RBFOX3: variants seen among roughly 807,000 people sequenced by gnomAD.
The protein encoded by RBFOX3 is RNA binding fox-1 homolog 3, also known as RNA binding protein fox-1 homolog 3.
In RBFOX3, 17 loss-of-function variants were observed where a neutral mutation model predicts 48.7. The ratio of observed to expected loss-of-function variants is 0.35; its 90% confidence interval spans 0.24 to 0.52. The LOEUF (loss-of-function observed/expected upper bound fraction) is 0.52. Among genes scored for constraint, RBFOX3 ranks in the 20% least tolerant of loss-of-function variants. The probability of loss-of-function intolerance (pLI) is 0.94; values close to 1 mark genes in which losing one functional copy is unlikely to be tolerated. For synonymous variants in RBFOX3, 212 were observed against 209.5 expected, an observed-to-expected ratio of 1.01 and a Z score of -0.10; for missense variants, 382 against 497.5, an observed-to-expected ratio of 0.77 and a Z score of 2.21.
chr17:79,191,644 C>T (rs1259065643), intron 4 of RBFOX3, among the ~76,000 whole-genome samples: 6 of 152,274 alleles, frequency 3.9e-5, no homozygotes, highest in Non-Finnish European at 5.9e-5. Flanking sequence ...CGGCCGGCGG[C>T]GGGAGGTAGG....
At chr17:79,097,547 G>A in intron 10 of RBFOX3, 123 bp from the exon 11 acceptor site, 1 of 549,172 alleles carries the variant, frequency 1.8e-6, no homozygotes, top group East Asian at 1.1e-4. Flanking sequence ...CCCCGCCCCC[G>A]GAGCGCTACT....
intron 1 of RBFOX3, among the ~76,000 whole-genome samples, chr17:79,588,670 G>C (rs1444517767): frequency 1.3e-5 from 2 of 152,172 alleles, no homozygotes; most frequent in Admixed American, 1.3e-4. Context: ...CCTGAGCTTG[G>C]ACCTGGGTGA....
intron 2 of RBFOX3, among the ~76,000 whole-genome samples, chr17:79,341,811 G>A (rs2082138303): frequency 6.6e-6 from 1 of 152,218 alleles, no homozygotes; most frequent in Admixed American, 6.5e-5. Context: ...TAAACCATGT[G>A]CCCCTGCAAA....
At chr17:79,092,608 T>A (rs1385079097) in intron 14 of RBFOX3, 1 of 985,620 alleles carries the variant, frequency 1.0e-6, no homozygotes, top group Non-Finnish European at 1.2e-6. Context: ...TAGTAGGGGG[T>A]GAAGCGGCTG....
chr17:79,176,250 C>T (rs997157600), intron 4 of RBFOX3, among the ~76,000 whole-genome samples: 2 of 152,232 alleles, frequency 1.3e-5, no homozygotes, highest in African/African-American at 4.8e-5. Flanking sequence ...GCCTGCCCCA[C>T]AGAGGTCTGG....
At chr17:79,429,227 G>A (rs1023295011) in intron 2 of RBFOX3, among the ~76,000 whole-genome samples, 8 of 152,248 alleles carry the variant, frequency 5.3e-5, no homozygotes, top group African/African-American at 1.9e-4. Flanking sequence ...ACCTTGGAAA[G>A]GCATCCTTGA....
At chr17:79,101,742 A>C (rs987309709) in intron 8 of RBFOX3, 98 bp from the exon 9 acceptor site, 17 of 1,038,554 alleles carry the variant, frequency 1.6e-5, no homozygotes, top group Middle Eastern at 2.4e-4. Context: ...AGCCCCCGGC[A>C]CCCCCCGCCC....
chr17:79,196,752 T>C (rs1355844282), intron 4 of RBFOX3, among the ~76,000 whole-genome samples: 1 of 152,186 alleles, frequency 6.6e-6, no homozygotes, highest in East Asian at 1.9e-4. Flanking sequence ...CCACTGATAA[T>C]TCAGAAAGAG....
chr17:79,549,905 T>C (rs1267275544), intron 1 of RBFOX3, among the ~76,000 whole-genome samples: 2 of 152,100 alleles, frequency 1.3e-5, no homozygotes, highest in African/African-American at 4.8e-5. Context: ...GCAGTTTACC[T>C]AAAAAACCTT....
chr17:79,289,066 A>G (rs2072670462), intron 3 of RBFOX3, among the ~76,000 whole-genome samples: 1 of 152,028 alleles, frequency 6.6e-6, no homozygotes. Context: ...TCATTATCAC[A>G]TTTGGAAAGT....
chr17:79,334,068 T>C (rs976415431), intron 2 of RBFOX3, among the ~76,000 whole-genome samples: 11 of 152,142 alleles, frequency 7.2e-5, no homozygotes, highest in African/African-American at 2.7e-4. Context: ...GCCCCATTTC[T>C]TGTTTCTGTT....
At chr17:79,584,328 C>T (rs971410348) in intron 1 of RBFOX3, among the ~76,000 whole-genome samples, 140 of 152,252 alleles carry the variant, frequency 9.2e-4, no homozygotes, top group African/African-American at 3.3e-3. Flanking sequence ...GAAAACAGTG[C>T]GGAGATTCCT....
intron 4 of RBFOX3, among the ~76,000 whole-genome samples, chr17:79,172,903 T>C (rs988291983): frequency 6.6e-6 from 1 of 152,180 alleles, no homozygotes; most frequent in Admixed American, 6.5e-5. Flanking sequence ...ATCTGTTTCT[T>C]TTCACCTTTT....
At chr17:79,128,667 G>C (rs1423190251) in intron 4 of RBFOX3, among the ~76,000 whole-genome samples, 3 of 152,214 alleles carry the variant, frequency 2.0e-5, no homozygotes, top group African/African-American at 7.2e-5. Context: ...CAAAAGCCAG[G>C]TCGTAGCCAG....
chr17:79,144,369 G>A (rs1031148451), intron 4 of RBFOX3, among the ~76,000 whole-genome samples: 17 of 143,612 alleles, frequency 1.2e-4, no homozygotes, highest in African/African-American at 4.3e-4. Flanking sequence ...GAGTAGGCGG[G>A]AGACGCCTAC....
the RBFOX3 span, among the ~76,000 whole-genome samples, chr17:79,656,105 C>T: frequency 6.6e-6 from 1 of 152,208 alleles, no homozygotes; most frequent in African/African-American, 2.4e-5. Context: ...CCACCAGAAC[C>T]CACGTCCTTG....
At chr17:79,510,317 T>G (rs1440873621) in intron 1 of RBFOX3, among the ~76,000 whole-genome samples, 1 of 152,166 alleles carries the variant, frequency 6.6e-6, no homozygotes, top group African/African-American at 2.4e-5. Context: ...CTTTAAATAC[T>G]TTGTACCTGA....
chr17:79,318,602 C>A (rs2077876200), intron 2 of RBFOX3, among the ~76,000 whole-genome samples: 1 of 151,982 alleles, frequency 6.6e-6, no homozygotes, highest in Non-Finnish European at 1.5e-5. Flanking sequence ...TGCCTGTAAT[C>A]CCAGCACATT....
intron 2 of RBFOX3, among the ~76,000 whole-genome samples, chr17:79,354,826 G>T (rs1301211721): frequency 1.3e-5 from 2 of 152,166 alleles, no homozygotes; most frequent in African/African-American, 2.4e-5. Flanking sequence ...ACTATTTTTA[G>T]TTCCACAAGA....
Sources: gnomAD v4.1 joint callset for allele counts (sites outside exome capture counted in the v4.1 genomes callset) on GRCh38, gnomAD v4.1.1 for gene constraint, MANE v1.5 for transcripts, NCBI Gene and HGNC (gene_info 2026-07-23, HGNC 2026-07-21) for gene names.